Variants in DBF4B observed in about 807,000 individuals in gnomAD.
DBF4B encodes the protein DBF4B-CDC7 kinase regulatory subunit.
DBF4B carries 49 observed loss-of-function variants against 53.4 expected under a neutral mutation model. The observed-to-expected ratio is 0.92, with a 90% CI of 0.73 to 1.16. The LOEUF is 1.16. DBF4B is among the 50% of genes most tolerant of loss of function. The pLI is 0.00. For synonymous variants in DBF4B, 257 were observed against 288.7 expected (o/e 0.89, Z 1.11); for missense variants, 692 against 775.0 (o/e 0.89, Z 1.27).
chr17:44,752,028 G>C lies in DBF4B; in HGVS notation c.*775G>C. On this transcript the variant is annotated 3_prime_UTR_variant, in exon 14 of 14. Coordinates refer to ENST00000315005, the MANE Select transcript of DBF4B (RefSeq NM_145663.3). The stretch of plus-strand genomic sequence containing the variant: ...TACTTTACTCAGACTAGGTCCCCAG[G>C]CCTTTGTTCTTGCCTCTTCTCGCTG... 1 of 1,518,504 alleles carries C rather than the reference G, an allele frequency of 6.6e-7. No individual in the cohort carries two copies. The highest frequency in any genetic ancestry group is 1.4e-5 in the African/African-American group (1 of 72,754). 94.1% of individuals were successfully genotyped at this position (1,518,504 alleles called of 1,614,324 possible).
intron 2 of DBF4B, among the ~76,000 whole-genome samples, chr17:44,716,314 G>C (rs6503399): frequency 0.57 from 86,370 of 151,764 alleles, 26,178 homozygotes; most frequent in African/African-American, 0.77. Flanking sequence ...TAGTCAGTTC[G>C]CTAGAGAAGA....
intron 2 of DBF4B, among the ~76,000 whole-genome samples, chr17:44,716,270 A>T (rs917929273): frequency 6.6e-6 from 1 of 152,054 alleles, no homozygotes. Context: ...GAGGGACCTC[A>T]GTTGTCACTA....
At position 44,741,442 on chromosome 17, in the gene DBF4B, C is replaced by T. The variant is rs757681014; in HGVS notation, c.820C>T (p.His274Tyr). 13 of 1,605,218 alleles carry T rather than the reference C, an allele frequency of 8.1e-6. No individual in the cohort carries two copies. In the East Asian group the frequency reaches 1.8e-4, roughly 22 times the overall value. The change falls in exon 10 of 14, where the codon CAC becomes TAC. Residue 274 changes from histidine (H) to tyrosine (Y), a missense_variant. By Grantham distance (83) the His-to-Tyr change is moderately conservative. Coordinates refer to ENST00000315005, the MANE Select transcript of DBF4B (RefSeq NM_145663.3). ...GGCCCCGACGACCCTGGGCAGCATG[C>T]ACCATACCAGGTGGGTCTTTCTGGT... is the stretch of plus-strand genomic sequence containing the variant. Reference protein sequence around the residue: ...FEAPTTLGSMHHTRESKDGEP... With the variant: ...FEAPTTLGSMYHTRESKDGEP...
rs758713782 is a variant in DBF4B at position 44,741,328 on chromosome 17, T to C, written c.714-8T>C. ...TTGTAGTCAAAGTGGAAGTTTTCTCTGTTGCAGGAAGTTTCGTCCTTTCCA... is the reference window on the plus strand; with the variant it reads ...TTGTAGTCAAAGTGGAAGTTTTCTCCGTTGCAGGAAGTTTCGTCCTTTCCA... On this transcript the variant is annotated splice_polypyrimidine_tract_variant and splice_region_variant and intron_variant, in intron 9 of 13. Transcript: ENST00000315005. 1 of 1,600,262 alleles carries C rather than the reference T, an allele frequency of 6.2e-7. No individual in the cohort carries two copies. Among genetic ancestry groups the C allele is most frequent in the Non-Finnish European group, 8.6e-7 (1 of 1,167,592 alleles).
intron 4 of DBF4B, 111 bp from the exon 5 acceptor site, chr17:44,730,853 CT>C (rs1974771200): frequency 9.2e-7 from 1 of 1,086,874 alleles, no homozygotes; most frequent in African/African-American, 1.6e-5. Context: ...CTGCTCCCAG[CT>C]TTCCGAGGGA....
chr17:44,738,952 G>A (rs1434055698), intron 9 of DBF4B, among the ~76,000 whole-genome samples: 2 of 152,150 alleles, frequency 1.3e-5, no homozygotes, highest in African/African-American at 2.4e-5. Context: ...TGACAGCCCT[G>A]GGTGAAAAAA....
Position 44,716,572 on chromosome 17 carries a change from G to A in DBF4B, c.83-6308G>A, listed in dbSNP as rs768540046. ...GTTTTCTGAGGTTGTCCTGTGCTTT[G>A]TAAGATACTAAGTGGCATCCCTGGC... On this transcript the variant is annotated intron_variant, in intron 2 of 13. Transcript: ENST00000315005. 1.4e-4 allele frequency among the ~76,000 whole-genome samples: 21 copies of A among 152,096 alleles called. 1 individual carries two copies. The highest frequency in any genetic ancestry group is 4.1e-4 in the South Asian group (2 of 4,834).
intron 10 of DBF4B, among the ~76,000 whole-genome samples, chr17:44,742,887 C>T (rs555153255): frequency 1.3e-5 from 2 of 152,276 alleles, no homozygotes; most frequent in South Asian, 4.1e-4. Context: ...CCCTTTCTAA[C>T]CTCTGGGCTG....
At chr17:44,714,460 C>T (rs763586985) in intron 2 of DBF4B, among the ~76,000 whole-genome samples, 12 of 152,060 alleles carry the variant, frequency 7.9e-5, no homozygotes, top group Non-Finnish European at 1.6e-4. Context: ...GTAACAGTCT[C>T]TGTATGTTTT....
At chr17:44,733,816 A>G (rs1975079511) in intron 6 of DBF4B, 1 of 434,844 alleles carries the variant, frequency 2.3e-6, no homozygotes, top group African/African-American at 2.0e-5. Context: ...GTCCTTAGCA[A>G]GCCATGAGGC....
At chr17:44,719,669 C>T (rs969931658) in intron 2 of DBF4B, 2 of 155,740 alleles carry the variant, frequency 1.3e-5, no homozygotes, top group African/African-American at 2.4e-5. Context: ...GGATATACCA[C>T]ATTTTGTTTA....
At chr17:44,724,987 A>G (rs1194286193) in intron 3 of DBF4B, among the ~76,000 whole-genome samples, 2 of 152,102 alleles carry the variant, frequency 1.3e-5, no homozygotes, top group Non-Finnish European at 2.9e-5. Flanking sequence ...GTGGCGGCAC[A>G]TGCCTGTAAT....
intron 2 of DBF4B, among the ~76,000 whole-genome samples, chr17:44,722,239 C>CAT (rs1973915664): frequency 6.6e-6 from 1 of 152,096 alleles, no homozygotes; most frequent in South Asian, 2.1e-4. Context: ...CTCTCCAACA[C>CAT]ACACACACAC....
Position 44,738,415 on chromosome 17 carries a change from A to G in DBF4B, c.704A>G (p.Asp235Gly), listed in dbSNP as rs74412597. The change falls in exon 9 of 14, where the codon GAT becomes GGT. Residue 235 changes from aspartate (D) to glycine (G), a missense_variant. By Grantham distance (94) the Asp-to-Gly change is moderately conservative. Transcript: ENST00000315005. ...RLKAPFLKIE[D>G]ESRKFRPFHH... Reference sequence around the variant, plus strand: ...AAGGCCCCGTTCCTCAAAATCGAAGATGAAAGCAGGTGAGTGGGACCTCCT... The same window carrying G: ...AAGGCCCCGTTCCTCAAAATCGAAGGTGAAAGCAGGTGAGTGGGACCTCCT... The G allele has an allele frequency of 6.0e-5, 97 of 1,613,754 alleles. No homozygotes were observed. The East Asian group carries it at 2.1e-3, about 35-fold the overall frequency.
intron 7 of DBF4B, among the ~76,000 whole-genome samples, chr17:44,735,862 C>T (rs1975367506): frequency 6.6e-6 from 1 of 152,106 alleles, no homozygotes; most frequent in Admixed American, 6.5e-5. Context: ...TCATCCTGGC[C>T]CTCCAGCTAA....
chr17:44,724,074 A>G (rs1290426852), intron 3 of DBF4B, among the ~76,000 whole-genome samples: 1 of 152,154 alleles, frequency 6.6e-6, no homozygotes, highest in Non-Finnish European at 1.5e-5. Flanking sequence ...GCACCACTGC[A>G]TTCCAGCCTG....
intron 3 of DBF4B, among the ~76,000 whole-genome samples, chr17:44,724,901 A>G (rs1259235077): frequency 6.6e-6 from 1 of 151,970 alleles, no homozygotes; most frequent in African/African-American, 2.4e-5. Flanking sequence ...CAGATCACCT[A>G]AGGTCAGGAG....
At chr17:44,713,150 C>T in intron 2 of DBF4B, among the ~76,000 whole-genome samples, 1 of 145,464 alleles carries the variant, frequency 6.9e-6, no homozygotes, top group Admixed American at 7.2e-5. Flanking sequence ...TGCCATTCTT[C>T]TGCCTCAGCC....
chr17:44,711,916 C>T (rs897782047), intron 2 of DBF4B, among the ~76,000 whole-genome samples: 7 of 149,594 alleles, frequency 4.7e-5, no homozygotes, highest in African/African-American at 1.7e-4. Context: ...GCCTGGGCGA[C>T]AGAGCAAGAC....
Sources: allele counts gnomAD v4.1 joint callset (sites outside exome capture counted in the v4.1 genomes callset), GRCh38; gene constraint gnomAD v4.1.1; transcripts MANE v1.5; gene names NCBI Gene and HGNC (gene_info 2026-07-23, HGNC 2026-07-21).